The following CFTR variants were observed in gnomAD, a reference collection of about 807,000 sequenced individuals.
CFTR encodes CF transmembrane conductance regulator, also known as cystic fibrosis transmembrane conductance regulator.
In CFTR, 181 loss-of-function variants were observed where a neutral mutation model predicts 171.6. The ratio of observed to expected loss-of-function variants is 1.05; its 90% CI spans 0.93 to 1.19. The LOEUF is 1.19. Among genes scored for constraint, CFTR ranks in the 50% most tolerant of loss-of-function variants. The pLI is 0.00. For synonymous variants in CFTR, 583 were observed against 608.0 expected, an observed-to-expected ratio of 0.96 and a Z score of 0.60; for missense variants, 1,968 against 1,734.7, an observed-to-expected ratio of 1.13 and a Z score of -2.39.
chr7:117,492,804 G>A (rs1476726328), intron 1 of CFTR, among the ~76,000 whole-genome samples: 4 of 151,952 alleles, frequency 2.6e-5, no homozygotes, highest in Non-Finnish European at 5.9e-5. Context: ...AGCACACCAT[G>A]GGGAATTAAT....
chr7:117,553,915 G>A (rs1160962988), intron 10 of CFTR, among the ~76,000 whole-genome samples: 1 of 152,198 alleles, frequency 6.6e-6, no homozygotes, highest in Non-Finnish European at 1.5e-5. Context: ...CAAGTGCAAA[G>A]CTTTCAGATG....
chr7:117,524,408 C>T (rs866148459), intron 3 of CFTR, among the ~76,000 whole-genome samples: 1 of 139,306 alleles, frequency 7.2e-6, no homozygotes, highest in South Asian at 2.3e-4. Context: ...AAAAAAAAAA[C>T]CAAATCAAAG....
intron 2 of CFTR, among the ~76,000 whole-genome samples, chr7:117,504,822 TA>T (rs1035803168): frequency 2.0e-5 from 3 of 149,194 alleles, no homozygotes; most frequent in Non-Finnish European, 4.5e-5. Flanking sequence ...CATTAAACAA[TA>T]AAATCATAAA....
At chr7:117,580,456 A>C (rs1791833685) in intron 11 of CFTR, among the ~76,000 whole-genome samples, 1 of 152,112 alleles carries the variant, frequency 6.6e-6, no homozygotes, top group Non-Finnish European at 1.5e-5. Context: ...TTGTTTTGTA[A>C]AGGAACCTGA....
At chr7:117,486,736 AG>A (rs1798079896) in intron 1 of CFTR, among the ~76,000 whole-genome samples, 1 of 151,724 alleles carries the variant, frequency 6.6e-6, no homozygotes. Flanking sequence ...TAGGCTTTGT[AG>A]GCTTTGTTTG....
intron 23 of CFTR, among the ~76,000 whole-genome samples, chr7:117,646,251 T>C (rs1387574182): frequency 6.6e-6 from 1 of 152,206 alleles, no homozygotes; most frequent in African/African-American, 2.4e-5. Context: ...GTGGTTGTTA[T>C]TATTTTTTAT....
chr7:117,574,859 A>G (rs990056267), intron 11 of CFTR, among the ~76,000 whole-genome samples: 2 of 152,100 alleles, frequency 1.3e-5, no homozygotes, highest in Admixed American at 1.3e-4. Context: ...ATTTGTGCAC[A>G]TTCTTCTTTA....
chr7:117,556,092 G>A (rs1235667717), intron 10 of CFTR, among the ~76,000 whole-genome samples: 1 of 152,076 alleles, frequency 6.6e-6, no homozygotes, highest in African/African-American at 2.4e-5. Flanking sequence ...TTTTGAGACA[G>A]AGTCTTACTG....
At chr7:117,499,419 A>G (rs1022616867) in intron 1 of CFTR, among the ~76,000 whole-genome samples, 9 of 110,878 alleles carry the variant, frequency 8.1e-5, no homozygotes, top group African/African-American at 4.4e-4. Flanking sequence ...GAAATTTACT[A>G]TAGTTTCATC....
chr7:117,643,732 C>T (rs928930907), intron 23 of CFTR, among the ~76,000 whole-genome samples: 3 of 152,046 alleles, frequency 2.0e-5, no homozygotes, highest in East Asian at 1.9e-4. Context: ...TGTTGAAAAG[C>T]GAAAAAGAAC....
At chr7:117,604,306 G>A (rs146151692) in intron 17 of CFTR, among the ~76,000 whole-genome samples, 4 of 152,248 alleles carry the variant, frequency 2.6e-5, no homozygotes, top group Non-Finnish European at 4.4e-5. Flanking sequence ...GAAAGTCAGA[G>A]TAGCAGAATA....
Position 117,603,796 on chromosome 7 carries a change from T to G in CFTR, c.2908+14T>G, listed in dbSNP as rs2116062569. 1 of 1,613,034 alleles carries G rather than the reference T, an allele frequency of 6.2e-7. No homozygotes were observed. The highest frequency in any genetic ancestry group is 1.3e-5 in the African/African-American group (1 of 75,028). The stretch of plus-strand genomic sequence containing the variant: ...CGTTGAAAGCAGGTACTTTACTAGG[T>G]CTAAGAAATGAAACTGCTGATCCAC... On this transcript the variant is annotated intron_variant, in intron 17 of 26. Coordinates refer to ENST00000003084, the MANE Select transcript of CFTR (RefSeq NM_000492.4).
intron 22 of CFTR, among the ~76,000 whole-genome samples, chr7:117,631,419 CT>C (rs1280287703): frequency 6.6e-6 from 1 of 152,078 alleles, no homozygotes; most frequent in African/African-American, 2.4e-5. Flanking sequence ...TGGGAAGTCC[CT>C]AAAGACAGGA....
intron 11 of CFTR, among the ~76,000 whole-genome samples, chr7:117,585,228 C>A (rs1046607715): frequency 1.3e-5 from 2 of 151,796 alleles, no homozygotes; most frequent in South Asian, 4.1e-4. Context: ...CTATGTACTT[C>A]TTTATTTTTA....
intron 19 of CFTR, 79 bp downstream of exon 19, chr7:117,610,748 TAAA>T: frequency 6.6e-7 from 1 of 1,503,830 alleles, no homozygotes; most frequent in South Asian, 1.2e-5. Flanking sequence ...TTAATCTACT[TAAA>T]AAAAATTCTG....
intron 2 of CFTR, among the ~76,000 whole-genome samples, chr7:117,505,889 A>C (rs1798408036): frequency 6.6e-6 from 1 of 152,228 alleles, no homozygotes; most frequent in Non-Finnish European, 1.5e-5. Flanking sequence ...CAAAGAATTA[A>C]GCTAGTGGGA....
chr7:117,506,225 G>A (rs1798414312), intron 2 of CFTR, among the ~76,000 whole-genome samples: 1 of 152,040 alleles, frequency 6.6e-6, no homozygotes, highest in South Asian at 2.1e-4. Flanking sequence ...AATGGGTATT[G>A]AATATCTAAA....
At chr7:117,537,017 G>A (rs1798969907) in intron 7 of CFTR, among the ~76,000 whole-genome samples, 2 of 152,162 alleles carry the variant, frequency 1.3e-5, no homozygotes, top group African/African-American at 4.8e-5. Context: ...AACTGGGAGA[G>A]TATACAATTC....
chr7:117,580,498 C>G (rs1325333108), intron 11 of CFTR, among the ~76,000 whole-genome samples: 1 of 151,986 alleles, frequency 6.6e-6, no homozygotes, highest in Non-Finnish European at 1.5e-5. Flanking sequence ...AAAACGCATA[C>G]TTTTGACCTA....
Sources: gnomAD v4.1 joint callset for allele counts (sites outside exome capture counted in the v4.1 genomes callset) on GRCh38, gnomAD v4.1.1 for gene constraint, MANE v1.5 for transcripts, NCBI Gene and HGNC (gene_info 2026-07-23, HGNC 2026-07-21) for gene names.